Variants in DEFB109B observed in about 807,000 individuals in gnomAD.
DEFB109B encodes the protein beta-defensin 109B.
intron 1 of DEFB109B, chr8:7,318,994 G>A (rs979883334): frequency 6.9e-6 from 1 of 145,400 alleles, no homozygotes; most frequent in Admixed American, 6.6e-5. Flanking sequence ...TCTAAATATG[G>A]AGAGAAAAAG....
At chr8:7,309,573 A>T (rs1802492655), upstream of DEFB109B, among the ~76,000 whole-genome samples, 1 of 147,826 alleles carries the variant, frequency 6.8e-6, no homozygotes, top group South Asian at 2.1e-4. Context: ...CACAATGACC[A>T]GATATGACCC....
chr8:7,315,742 G>C (rs1210917310), intron 1 of DEFB109B, among the ~76,000 whole-genome samples: 2 of 142,000 alleles, frequency 1.4e-5, no homozygotes, highest in Non-Finnish European at 1.5e-5. Context: ...CAAAGCATGT[G>C]TGGATCCGTT....
intron 1 of DEFB109B, among the ~76,000 whole-genome samples, chr8:7,315,308 T>G (rs1421635185): frequency 7.5e-6 from 1 of 133,252 alleles, no homozygotes; most frequent in Non-Finnish European, 1.5e-5. Context: ...ACGAGGTCAG[T>G]GGCTAACACG....
upstream of DEFB109B, among the ~76,000 whole-genome samples, chr8:7,310,687 C>G (rs1375459777): frequency 6.8e-6 from 1 of 147,198 alleles, no homozygotes; most frequent in Non-Finnish European, 1.5e-5. Flanking sequence ...TGAAACTATA[C>G]TCTTAGGGAT....
At chr8:7,313,694 GA>G (rs200298527) in intron 1 of DEFB109B, among the ~76,000 whole-genome samples, 4,644 of 131,790 alleles carry the variant, frequency 0.035, 655 homozygotes, top group African/African-American at 0.13. Context: ...GGGGCTTTTG[GA>G]AAAAAAAAAC....
chr8:7,312,442 T>G (rs1802664211), upstream of DEFB109B, among the ~76,000 whole-genome samples: 1 of 141,990 alleles, frequency 7.0e-6, no homozygotes, highest in Non-Finnish European at 1.5e-5. Context: ...AATACTTATG[T>G]GCAAACTTGC....
At chr8:7,315,755 T>TA (rs1483171140) in intron 1 of DEFB109B, among the ~76,000 whole-genome samples, 1 of 143,430 alleles carries the variant, frequency 7.0e-6, no homozygotes, top group African/African-American at 3.0e-5. Context: ...GATCCGTTCT[T>TA]TTTTCAGTAG....
At chr8:7,313,687 G>C (rs1802760050) in intron 1 of DEFB109B, among the ~76,000 whole-genome samples, 1 of 140,872 alleles carries the variant, frequency 7.1e-6, no homozygotes, top group East Asian at 1.9e-4. Context: ...CATTTTGGGG[G>C]CTTTTGGAAA....
Position 7,319,635 on chromosome 8 carries a change from G to C in DEFB109B, n.59-111G>C, listed in dbSNP as rs959752405. ...GACATATGAGCAGCAACCATGTCAA[G>C]AGCTCCCACATAAAAACGTTCATAC... On this transcript the variant is annotated intron_variant and non_coding_transcript_variant, in intron 1 of 1. Transcript: ENST00000382656. 49 of 144,010 alleles carry C rather than the reference G, an allele frequency of 3.4e-4. 1 individual carries two copies. Among genetic ancestry groups the C allele is most frequent in the Non-Finnish European group, 5.0e-4 (34 of 67,702 alleles). The allele number at this position is 144,010 out of a possible 1,614,324, so 8.9% of individuals were successfully genotyped here.
rs545121474 is a variant in DEFB109B at position 7,315,526 on chromosome 8, T to C, written n.58+2623T>C. Among the ~76,000 whole-genome samples, 55 of 116,712 alleles carry C rather than the reference T, an allele frequency of 4.7e-4. 1 individual carries two copies. Among genetic ancestry groups the C allele is most frequent in the Non-Finnish European group, 8.1e-4 (47 of 58,368 alleles). The allele number at this position is 116,712 out of a possible 152,430, so 76.6% of individuals were successfully genotyped here. ...AAAAAAAAAAAAAGAAGAAGAAGAA[T>C]AAAGAAAGAAAGAGAAAGAAAGAAA... On this transcript the variant is annotated intron_variant and non_coding_transcript_variant, in intron 1 of 1. Coordinates refer to ENST00000382656, the Ensembl canonical transcript of DEFB109B.
upstream of DEFB109B, among the ~76,000 whole-genome samples, chr8:7,312,342 GACA>G (rs201875984): frequency 2.3e-4 from 32 of 138,074 alleles, 3 homozygotes; most frequent in East Asian, 9.8e-4. Context: ...TAGGGGTTCT[GACA>G]ACAACAACAA....
chr8:7,312,111 T>C (rs1439212740), upstream of DEFB109B, among the ~76,000 whole-genome samples: 3 of 107,486 alleles, frequency 2.8e-5, no homozygotes, highest in African/African-American at 7.1e-5. Flanking sequence ...GGGGAACAGA[T>C]AGAAGAGTGT....
chr8:7,315,461 T>G (rs1435646826), intron 1 of DEFB109B, among the ~76,000 whole-genome samples: 1 of 133,774 alleles, frequency 7.5e-6, no homozygotes, highest in Non-Finnish European at 1.5e-5. Flanking sequence ...ATCGTGCCAT[T>G]GCACTCTAGC....
upstream of DEFB109B, among the ~76,000 whole-genome samples, chr8:7,312,022 G>A (rs1802634452): frequency 7.9e-6 from 1 of 126,698 alleles, no homozygotes; most frequent in Admixed American, 7.3e-5. Context: ...ATGGGTTCAT[G>A]AAGGAATGTT....
In DEFB109B at chr8:7,316,672, G is replaced by A. The variant is rs1265564407; in HGVS notation, n.59-3074G>A. ...GACAGAGTCTCACTCTGTTGCCGAG[G>A]CTGGAATGCAGTGTTGCAATCTTGG... On this transcript the variant is annotated intron_variant and non_coding_transcript_variant, in intron 1 of 1. Transcript: ENST00000382656. Among the ~76,000 whole-genome samples, 7 of 143,668 alleles carry A rather than the reference G, an allele frequency of 4.9e-5. 1 individual carries two copies. The highest frequency in any genetic ancestry group is 2.1e-4 in the African/African-American group (7 of 33,990). 94.3% of individuals were successfully genotyped at this position (143,668 alleles called of 152,430 possible).
In DEFB109B at chr8:7,315,617, A is replaced by C. The variant is rs1227156894; in HGVS notation, n.58+2714A>C. Among the ~76,000 whole-genome samples, 38 of 132,530 alleles carry C rather than the reference A, an allele frequency of 2.9e-4. 1 individual carries two copies. Among genetic ancestry groups the C allele is most frequent in the Non-Finnish European group, 5.0e-4 (33 of 66,278 alleles). The allele number at this position is 132,530 out of a possible 152,430, so 86.9% of individuals were successfully genotyped here. ...GTGTTTGGGCCCCTACTGATGCTAA[A>C]CTATCACAAGCCCACACTCAGCCTT... On this transcript the variant is annotated intron_variant and non_coding_transcript_variant, in intron 1 of 1. Transcript: ENST00000382656.
chr8:7,315,877 C>A (rs1456247467), intron 1 of DEFB109B, among the ~76,000 whole-genome samples: 5 of 133,654 alleles, frequency 3.7e-5, no homozygotes, highest in South Asian at 2.3e-4. Flanking sequence ...TTTGTCAGGG[C>A]AAGAGCATTT....
upstream of DEFB109B, among the ~76,000 whole-genome samples, chr8:7,309,637 A>G (rs981598017): frequency 6.8e-6 from 1 of 148,064 alleles, no homozygotes; most frequent in East Asian, 1.9e-4. Context: ...TCACAGGTAT[A>G]AGACCCCTTG....
At chr8:7,315,820 G>A (rs1802884062) in intron 1 of DEFB109B, among the ~76,000 whole-genome samples, 1 of 145,048 alleles carries the variant, frequency 6.9e-6, no homozygotes, top group Non-Finnish European at 1.5e-5. Context: ...CTTCAGCTCT[G>A]TCTTTTAAAA....
Sources: gnomAD v4.1 joint callset for allele counts (sites outside exome capture counted in the v4.1 genomes callset) on GRCh38, gnomAD v4.1.1 for gene constraint, MANE v1.5 for transcripts, NCBI Gene and HGNC (gene_info 2026-07-23, HGNC 2026-07-21) for gene names.